The following DLGAP1 variants were observed in gnomAD, a reference collection of about 807,000 sequenced individuals.
DLGAP1 encodes the protein disks large-associated protein 1.
A neutral mutation model predicts 90.8 loss-of-function variants in DLGAP1; 11 were observed. The observed-to-expected ratio is 0.12, with a 90% CI of 0.08 to 0.20. The LOEUF is 0.20. DLGAP1 is among the 10% of genes least tolerant of loss of function. The probability of loss-of-function intolerance (pLI) is 1.00; values close to 1 mark genes in which losing one functional copy is unlikely to be tolerated. For missense variants in DLGAP1, 1,050 were observed against 1,333.8 expected (o/e 0.79, Z 3.31); for synonymous variants, 558 against 540.7 (o/e 1.03, Z -0.44).
intron 9 of DLGAP1, among the ~76,000 whole-genome samples, chr18:3,559,522 C>T (rs2144969481): frequency 1.3e-5 from 2 of 151,484 alleles, no homozygotes; most frequent in East Asian, 3.9e-4. Context: ...TGAATTTTCT[C>T]TCCTTTCTTA....
intron 2 of DLGAP1, among the ~76,000 whole-genome samples, chr18:4,076,366 A>G (rs2075523123): frequency 6.6e-6 from 1 of 152,198 alleles, no homozygotes; most frequent in South Asian, 2.1e-4. Flanking sequence ...TACAGGAACT[A>G]TATTTTTATG....
chr18:4,027,738 G>A (rs11661796), intron 2 of DLGAP1, among the ~76,000 whole-genome samples: 6 of 152,128 alleles, frequency 3.9e-5, no homozygotes, highest in African/African-American at 1.4e-4. Context: ...GATCAACTTA[G>A]AACTTTGTTG....
chr18:3,856,678 A>G (rs1474433217), intron 4 of DLGAP1, among the ~76,000 whole-genome samples: 7 of 152,144 alleles, frequency 4.6e-5, no homozygotes, highest in African/African-American at 1.4e-4. Context: ...TGGCTAACAC[A>G]GTGAAACCCC....
chr18:3,652,960 C>A (rs1336883498), intron 7 of DLGAP1, among the ~76,000 whole-genome samples: 1 of 152,178 alleles, frequency 6.6e-6, no homozygotes, highest in Non-Finnish European at 1.5e-5. Context: ...TTCGGTTGGA[C>A]CAAGAGTTTC....
At chr18:4,426,268 A>AT (rs2083150799) in intron 1 of DLGAP1, among the ~76,000 whole-genome samples, 1 of 152,160 alleles carries the variant, frequency 6.6e-6, no homozygotes, top group African/African-American at 2.4e-5. Flanking sequence ...GTATGGCCTG[A>AT]TTTGAGGCCA....
At chr18:4,352,442 A>C (rs1330556291) in intron 1 of DLGAP1, among the ~76,000 whole-genome samples, 1 of 152,136 alleles carries the variant, frequency 6.6e-6, no homozygotes, top group Non-Finnish European at 1.5e-5. Context: ...AATGACATTT[A>C]CTTAGCACCT....
chr18:3,705,665 A>ATTC (rs2061409416), intron 7 of DLGAP1, among the ~76,000 whole-genome samples: 1 of 150,406 alleles, frequency 6.6e-6, no homozygotes, highest in Non-Finnish European at 1.5e-5. Context: ...TATTATTATT[A>ATTC]TTATTATTTT....
chr18:4,141,521 A>C (rs777474361), intron 2 of DLGAP1, among the ~76,000 whole-genome samples: 26 of 152,022 alleles, frequency 1.7e-4, no homozygotes, highest in Admixed American at 2.6e-4. Flanking sequence ...TTGGCAAATG[A>C]AGTCTTAAAG....
chr18:3,614,595 C>G (rs923039027), intron 7 of DLGAP1, among the ~76,000 whole-genome samples: 1 of 149,288 alleles, frequency 6.7e-6, no homozygotes, highest in South Asian at 2.1e-4. Context: ...GTCTCCCGCA[C>G]TTTGGGAGGC....
rs566641759 is a variant in DLGAP1 at position 3,727,676 on chromosome 18, C to T, written c.1591+1459G>A. Reference sequence around the variant, plus strand: ...CAGACCTTCCAAATCACACTTACTGCATGAATGCAAACACATACAAACATG... The same window carrying T: ...CAGACCTTCCAAATCACACTTACTGTATGAATGCAAACACATACAAACATG... On this transcript the variant is annotated intron_variant, in intron 7 of 12. Coordinates refer to ENST00000315677, the MANE Select transcript of DLGAP1 (RefSeq NM_004746.4). The surrounding 1 kb of genome is among the most constrained non-coding windows in gnomAD (Gnocchi z 4.7). 5 of 152,314 alleles carry T rather than the reference C, an allele frequency of 3.3e-5. No individual in the cohort carries two copies. The East Asian group carries it at 9.6e-4, about 29-fold the overall frequency. 9.4% of individuals were successfully genotyped at this position (152,314 alleles called of 1,614,324 possible).
At chr18:4,296,204 G>A (rs1389436231) in intron 1 of DLGAP1, among the ~76,000 whole-genome samples, 4 of 152,088 alleles carry the variant, frequency 2.6e-5, no homozygotes, top group Non-Finnish European at 5.9e-5. Context: ...AATTAAGCAC[G>A]CAGCCTTCCT....
At chr18:3,527,588 TTTG>T (rs892407231) in intron 10 of DLGAP1, among the ~76,000 whole-genome samples, 1 of 151,688 alleles carries the variant, frequency 6.6e-6, no homozygotes, top group Non-Finnish European at 1.5e-5. Context: ...TTGTTTTGTG[TTTG>T]TTGTTTTTTG....
At chr18:3,765,332 A>C (rs192097997) in intron 5 of DLGAP1, among the ~76,000 whole-genome samples, 5 of 149,636 alleles carry the variant, frequency 3.3e-5, no homozygotes, top group Non-Finnish European at 7.4e-5. Context: ...GGGTTTCACC[A>C]TGTTAGCCAG....
intron 7 of DLGAP1, among the ~76,000 whole-genome samples, chr18:3,609,591 T>A (rs2057499431): frequency 6.6e-6 from 1 of 152,146 alleles, no homozygotes; most frequent in Non-Finnish European, 1.5e-5. Flanking sequence ...AGTTTCCTCA[T>A]CTGTTGAGTT....
intron 3 of DLGAP1, among the ~76,000 whole-genome samples, chr18:3,888,319 A>G (rs1007587652): frequency 1.2e-4 from 18 of 152,104 alleles, no homozygotes; most frequent in African/African-American, 3.9e-4. Flanking sequence ...AAATTATACA[A>G]GTACTATTAG....
chr18:3,544,038 T>G (rs998027391), intron 9 of DLGAP1, among the ~76,000 whole-genome samples: 22 of 152,178 alleles, frequency 1.4e-4, no homozygotes, highest in Non-Finnish European at 3.2e-4. Flanking sequence ...GAGTGCTGTA[T>G]GTGGCAAAAA....
intron 5 of DLGAP1, among the ~76,000 whole-genome samples, chr18:3,812,373 ATT>A (rs199630283): frequency 1.7e-3 from 251 of 146,846 alleles, no homozygotes; most frequent in African/African-American, 2.0e-3. Flanking sequence ...ATTTCCACGA[ATT>A]TTTTTTTTTT....
chr18:4,230,710 C>T (rs938682802), intron 1 of DLGAP1, among the ~76,000 whole-genome samples: 44 of 147,912 alleles, frequency 3.0e-4, no homozygotes, highest in African/African-American at 1.1e-3. Flanking sequence ...TAGTATGTGA[C>T]CGCAAAACAG....
intron 1 of DLGAP1, among the ~76,000 whole-genome samples, chr18:4,328,345 T>A (rs2080870986): frequency 6.6e-6 from 1 of 152,040 alleles, no homozygotes; most frequent in African/African-American, 2.4e-5. Context: ...AAAATGATTT[T>A]GAAATGCATC....
Sources: gnomAD v4.1 joint callset for allele counts (sites outside exome capture counted in the v4.1 genomes callset) on GRCh38, gnomAD v4.1.1 for gene constraint, Gnocchi (gnomAD v3.1) non-coding constraint, MANE v1.5 for transcripts, NCBI Gene and HGNC (gene_info 2026-07-23, HGNC 2026-07-21) for gene names.